LSM8: variants seen among roughly 807,000 people sequenced by gnomAD.
The protein encoded by LSM8 is LSM8 U6 small nuclear RNA associated.
A neutral mutation model predicts 15.0 loss-of-function variants in LSM8; 14 were observed. The observed-to-expected ratio is 0.93, with a 90% CI of 0.62 to 1.46. The LOEUF is 1.46. Ranked by LOEUF, LSM8 falls within the 40% of genes most tolerant of loss-of-function variation. The pLI, the probability that LSM8 is intolerant of heterozygous loss-of-function variation, is 0.00. For synonymous variants in LSM8, 50 were observed against 42.1 expected (o/e 1.19, Z -0.73); for missense variants, 90 against 115.4 (o/e 0.78, Z 1.01).
rs899414746 is a variant in LSM8 at position 118,202,156 on chromosome 7, GT to G, written c.*10161del. 6.6e-6 allele frequency among the ~76,000 whole-genome samples: 1 copy of G among 152,044 alleles called. No individual in the cohort carries two copies. Among genetic ancestry groups the G allele is most frequent in the Non-Finnish European group, 1.5e-5 (1 of 67,972 alleles). ...ATGTCTTGAAATAGATACATTGGCA[GT>G]TTTTTTGTTTTTGTTTTTGCTTGTG... On this transcript the variant is annotated 3_prime_UTR_variant, in exon 4 of 4. Transcript: ENST00000249299.
rs773898802 is a variant in LSM8 at position 118,203,578 on chromosome 7, A to T, written c.*11576A>T. ...TTTATATCATGATTTTACCACTCTG[A>T]ATATCAAAGTCAGTGATGTCTCCAA... On this transcript the variant is annotated 3_prime_UTR_variant, in exon 4 of 4. Transcript: ENST00000249299. Among the ~76,000 whole-genome samples, 13 of 151,838 alleles carry T rather than the reference A, an allele frequency of 8.6e-5. No homozygotes were observed. Among genetic ancestry groups the T allele is most frequent in the Non-Finnish European group, 1.3e-4 (9 of 67,786 alleles).
rs1809059057 is a variant in LSM8 at position 118,195,155 on chromosome 7, GT to G, written c.*3155del. 6.6e-6 allele frequency among the ~76,000 whole-genome samples: 1 copy of G among 152,024 alleles called. No homozygotes were observed. Among genetic ancestry groups the G allele is most frequent in the Admixed American group, 6.6e-5 (1 of 15,250 alleles). On this transcript the variant is annotated 3_prime_UTR_variant, in exon 4 of 4. Transcript: ENST00000249299. ...TTAAAAATTTTCTTGGGCCCTACTC[GT>G]TGTGGTTCAGCAGCTGTGTAATGGA...
chr7:118,195,037 C>G lies in LSM8; in HGVS notation c.*3035C>G, dbSNP rs1004943047. Among the ~76,000 whole-genome samples the G allele has an allele frequency of 1.3e-5, 2 of 152,166 alleles. No homozygotes were observed. Among genetic ancestry groups the G allele is most frequent in the African/African-American group, 4.8e-5 (2 of 41,434 alleles). On this transcript the variant is annotated 3_prime_UTR_variant, in exon 4 of 4. Transcript: ENST00000249299. ...AGTCTTAAAATCTGCTATCAAGCATCTATCAGAAGCCTGATGAGAAATATT... is the reference window on the plus strand; with the variant it reads ...AGTCTTAAAATCTGCTATCAAGCATGTATCAGAAGCCTGATGAGAAATATT...
rs200053888 is a variant in LSM8 at position 118,196,700 on chromosome 7, TTTTA to T, written c.*4742_*4745del. On this transcript the variant is annotated 3_prime_UTR_variant, in exon 4 of 4. Transcript: ENST00000249299. ...TTTCTTTTTTTTTAAGTCCTTTAAT[TTTTA>T]TTTATTTATTTATTTATTTATTTAT... 0.038 allele frequency among the ~76,000 whole-genome samples: 4,869 copies of T among 129,736 alleles called. 101 individuals are homozygous for T. The highest frequency in any genetic ancestry group is 0.08 in the South Asian group (321 of 4,012). 85.1% of individuals were successfully genotyped at this position (129,736 alleles called of 152,430 possible).
chr7:118,188,224 A>G (rs1562861490), intron 2 of LSM8, 54 bp from the exon 3 acceptor site: 4 of 1,585,066 alleles, frequency 2.5e-6, no homozygotes, highest in Non-Finnish European at 3.5e-6. Context: ...TTAAATTTAC[A>G]CTTTCAGGTA....
rs1283040685 is a variant in LSM8 at position 118,201,452 on chromosome 7, T to C, written c.*9450T>C. Among the ~76,000 whole-genome samples, 2 of 152,082 alleles carry C rather than the reference T, an allele frequency of 1.3e-5. No homozygotes were observed. Among genetic ancestry groups the C allele is most frequent in the Non-Finnish European group, 2.9e-5 (2 of 67,984 alleles). On this transcript the variant is annotated 3_prime_UTR_variant, in exon 4 of 4. Coordinates refer to ENST00000249299, the MANE Select transcript of LSM8 (RefSeq NM_016200.5). ...AGATGTGACTCCTAGACTTTTCACT[T>C]ACATGAGCCAAAACGGTTCCTTTGC...
chr7:118,193,529 G>T lies in LSM8; in HGVS notation c.*1527G>T, dbSNP rs1330642337. 1.3e-5 allele frequency among the ~76,000 whole-genome samples: 2 copies of T among 152,084 alleles called. No individual in the cohort carries two copies. Among genetic ancestry groups the T allele is most frequent in the Admixed American group, 1.3e-4 (2 of 15,260 alleles). Reference sequence around the variant, plus strand: ...TATTCTCTAGAATTATTTGGTTGATGTTAAGGGCTGTCTCTGGGAGAATTA... The same window carrying T: ...TATTCTCTAGAATTATTTGGTTGATTTTAAGGGCTGTCTCTGGGAGAATTA... On this transcript the variant is annotated 3_prime_UTR_variant, in exon 4 of 4. Coordinates refer to ENST00000249299, the MANE Select transcript of LSM8 (RefSeq NM_016200.5).
In LSM8 at chr7:118,197,397, G is replaced by A. The variant is rs1040261080; in HGVS notation, c.*5395G>A. On this transcript the variant is annotated 3_prime_UTR_variant, in exon 4 of 4. Transcript: ENST00000249299. ...TGGGGAACAGGCAGGAAACTAATAT[G>A]TTTCTGTTTGATATATGAAAATATG... Among the ~76,000 whole-genome samples, 4 of 147,496 alleles carry A rather than the reference G, an allele frequency of 2.7e-5. No homozygotes were observed. The highest frequency in any genetic ancestry group is 6.0e-5 in the Non-Finnish European group (4 of 67,224).
chr7:118,191,819 A>G (rs1808986873), intron 3 of LSM8, 93 bp from the exon 4 acceptor site: 1 of 906,752 alleles, frequency 1.1e-6, no homozygotes, highest in African/African-American at 1.7e-5. Flanking sequence ...TTTTGGAAGA[A>G]TGGTACTCAG....
intron 3 of LSM8, 42 bp from the exon 4 acceptor site, chr7:118,191,870 T>A: frequency 6.8e-7 from 1 of 1,470,502 alleles, no homozygotes; most frequent in Admixed American, 1.8e-5. Context: ...ACACATGTAA[T>A]TTATTTCAGA....
At position 118,191,975 on chromosome 7, in the gene LSM8, A is replaced by G; in HGVS notation, c.264A>G (p.Ala88=). ...CGCTTGATTTGGGGAATATTCGAGCAGAACCTTTAAATTCTGTAGCACACT... is the reference window on the plus strand; with the variant it reads ...CGCTTGATTTGGGGAATATTCGAGCGGAACCTTTAAATTCTGTAGCACACT... The part of the protein sequence containing the change: ...DSALDLGNIR[A]EPLNSVAH The change falls in exon 4 of 4, where the codon GCA becomes GCG. Residue 88 remains alanine (A), a synonymous_variant. Coordinates refer to ENST00000249299, the MANE Select transcript of LSM8 (RefSeq NM_016200.5). 1.9e-6 allele frequency: 3 copies of G among 1,612,324 alleles called. No individual in the cohort carries two copies. In the South Asian group the frequency reaches 3.3e-5, roughly 18 times the overall value.
At position 118,197,893 on chromosome 7, in the gene LSM8, G is replaced by A. The variant is rs1809107734; in HGVS notation, c.*5891G>A. 6.6e-6 allele frequency among the ~76,000 whole-genome samples: 1 copy of A among 152,150 alleles called. No homozygotes were observed. Among genetic ancestry groups the A allele is most frequent in the African/African-American group, 2.4e-5 (1 of 41,432 alleles). On this transcript the variant is annotated 3_prime_UTR_variant, in exon 4 of 4. Transcript: ENST00000249299. ...CCTTGTACTGTCAAGATTAAGATAA[G>A]CAGTTAGCACTCCCTAGAACATACT...
chr7:118,201,835 G>A lies in LSM8; in HGVS notation c.*9833G>A, dbSNP rs1172442095. On this transcript the variant is annotated 3_prime_UTR_variant, in exon 4 of 4. Coordinates refer to ENST00000249299, the MANE Select transcript of LSM8 (RefSeq NM_016200.5). ...TTTTGTATGTTTCTGTTTCCATCAA[G>A]CAGGCTTTTAATGCAACTTTATCTT... Among the ~76,000 whole-genome samples, 1 of 152,020 alleles carries A rather than the reference G, an allele frequency of 6.6e-6. No homozygotes were observed. The highest frequency in any genetic ancestry group is 1.9e-4 in the East Asian group (1 of 5,196).
Position 118,194,641 on chromosome 7 carries a change from G to A in LSM8, c.*2639G>A, listed in dbSNP as rs1043029961. ...TTAAATGGTATTTAATGCAAATACAGAATAACGATGTCAACATTTTCCTCA... is the reference window on the plus strand; with the variant it reads ...TTAAATGGTATTTAATGCAAATACAAAATAACGATGTCAACATTTTCCTCA... On this transcript the variant is annotated 3_prime_UTR_variant, in exon 4 of 4. Coordinates refer to ENST00000249299, the MANE Select transcript of LSM8 (RefSeq NM_016200.5). 3.9e-5 allele frequency among the ~76,000 whole-genome samples: 6 copies of A among 152,114 alleles called. No individual in the cohort carries two copies. The highest frequency in any genetic ancestry group is 3.2e-3 in the Middle Eastern group (1 of 314).
rs1047227167 is a variant in LSM8, at chr7:118,194,234, A to G, written c.*2232A>G. ...TATAAAGAGGCGCAAATCAATTTCA[A>G]CCTGTAATTACCTCTGTGCTTTGTG... On this transcript the variant is annotated 3_prime_UTR_variant, in exon 4 of 4. Transcript: ENST00000249299. Among the ~76,000 whole-genome samples the G allele has an allele frequency of 2.0e-5, 3 of 152,132 alleles. No homozygotes were observed. The East Asian group carries it at 5.8e-4, about 29-fold the overall frequency.
Position 118,200,023 on chromosome 7 carries a change from T to A in LSM8, c.*8021T>A, listed in dbSNP as rs1175275643. On this transcript the variant is annotated 3_prime_UTR_variant, in exon 4 of 4. Transcript: ENST00000249299. ...GTGTCTAAATTACAGATTAGAGAAC[T>A]AATGACTAGCCATACCGAAGACATT... Among the ~76,000 whole-genome samples the A allele has an allele frequency of 1.3e-5, 2 of 152,176 alleles. No homozygotes were observed. Among genetic ancestry groups the A allele is most frequent in the African/African-American group, 4.8e-5 (2 of 41,460 alleles).
rs1486392386 is a variant in LSM8, at chr7:118,198,242, G to A, written c.*6240G>A. Among the ~76,000 whole-genome samples the A allele has an allele frequency of 2.0e-5, 3 of 152,172 alleles. No individual in the cohort carries two copies. The highest frequency in any genetic ancestry group is 4.4e-5 in the Non-Finnish European group (3 of 68,030). On this transcript the variant is annotated 3_prime_UTR_variant, in exon 4 of 4. Transcript: ENST00000249299. ...GTCAAAGTGATTAAGTTATAAAAAG[G>A]TTAGATTTCTTTGGTGTGAAAAGAT...
Position 118,192,004 on chromosome 7 carries a change from G to A in LSM8, c.*2G>A. 1 of 1,589,398 alleles carries A rather than the reference G, an allele frequency of 6.3e-7. No individual in the cohort carries two copies. Among genetic ancestry groups the A allele is most frequent in the African/African-American group, 1.3e-5 (1 of 74,410 alleles). On this transcript the variant is annotated 3_prime_UTR_variant, in exon 4 of 4. Transcript: ENST00000249299. ...CCTTTAAATTCTGTAGCACACTGAG[G>A]AAAAACTACATACTTGGACATCTGT...
Position 118,193,521 on chromosome 7 carries a change from TG to T in LSM8, c.*1521del, listed in dbSNP as rs540548492. ...AGAAGCACTATTCTCTAGAATTATTTGGTTGATGTTAAGGGCTGTCTCTGGG... is the reference window on the plus strand; with the variant it reads ...AGAAGCACTATTCTCTAGAATTATTTGTTGATGTTAAGGGCTGTCTCTGGG... On this transcript the variant is annotated 3_prime_UTR_variant, in exon 4 of 4. Coordinates refer to ENST00000249299, the MANE Select transcript of LSM8 (RefSeq NM_016200.5). Among the ~76,000 whole-genome samples, 43 of 152,228 alleles carry T rather than the reference TG, an allele frequency of 2.8e-4. No individual in the cohort carries two copies. The East Asian group carries it at 8.3e-3, about 29-fold the overall frequency.
Sources: allele counts gnomAD v4.1 joint callset (sites outside exome capture counted in the v4.1 genomes callset), GRCh38; gene constraint gnomAD v4.1.1; transcripts MANE v1.5; gene names NCBI Gene and HGNC (gene_info 2026-07-23, HGNC 2026-07-21).